Variants in LRP1 observed in about 807,000 individuals in gnomAD.
The protein encoded by LRP1 is LDL receptor related protein 1.
A neutral mutation model predicts 541.5 loss-of-function variants in LRP1; 51 were observed. The observed-to-expected ratio is 0.09, with a 90% confidence interval of 0.08 to 0.12. The LOEUF (loss-of-function observed/expected upper bound fraction) is 0.12. LRP1 is among the 10% of genes least tolerant of loss of function. The pLI, the probability that LRP1 is intolerant of heterozygous loss-of-function variation, is 1.00. For synonymous variants in LRP1, 2,219 were observed against 2,470.8 expected (o/e 0.90, Z 3.02); for missense variants, 3,878 against 6,376.2 (o/e 0.61, Z 13.34).
In LRP1 at chr12:57,141,355, C is replaced by T. The variant is rs920335453; in HGVS notation, c.191-19C>T. The T allele has an allele frequency of 2.5e-6, 4 of 1,613,906 alleles. No homozygotes were observed. The African/African-American group carries it at 5.3e-5, about 22-fold the overall frequency. On this transcript the variant is annotated intron_variant, in intron 2 of 88. Transcript: ENST00000243077. ...ACCATAGCCAGCTTGTTCATGCCCA[C>T]CCTTCTGTCTGCCCTCAGGTCCACA...
chr12:57,142,659 C>G (rs2035317409), intron 3 of LRP1, among the ~76,000 whole-genome samples: 1 of 152,182 alleles, frequency 6.6e-6, no homozygotes, highest in African/African-American at 2.4e-5. Context: ...AACCTCAGGT[C>G]TGAATTTCCT....
intron 46 of LRP1, 107 bp downstream of exon 46, chr12:57,193,411 T>C: frequency 1.3e-6 from 2 of 1,534,496 alleles, no homozygotes; most frequent in Non-Finnish European, 1.8e-6. Context: ...TTCCTGACCA[T>C]GAGTTTTGGG....
In LRP1 at chr12:57,166,981, C is replaced by T; in HGVS notation, c.2849C>T (p.Pro950Leu). Reference sequence around the variant, plus strand: ...TCCTGTGCCAGTGGCCGCTGCATCCCCATCTCCTGGACGTGTGATCTGGAT... The same window carrying T: ...TCCTGTGCCAGTGGCCGCTGCATCCTCATCTCCTGGACGTGTGATCTGGAT... Reference protein sequence around the residue: ...QFSCASGRCIPISWTCDLDDD... With the variant: ...QFSCASGRCILISWTCDLDDD... Residue 950 changes from proline (P) to leucine (L), a missense_variant, in exon 18 of 89, where the codon CCC becomes CTC. Pro to Leu is a moderately conservative substitution (Grantham distance 98). Around this residue, in one of 13 missense-constraint regions of LRP1, gnomAD observed 320 missense variants for 547.9 expected, o/e 0.58. Transcript: ENST00000243077. The T allele has an allele frequency of 6.2e-7, 1 of 1,614,172 alleles. No individual in the cohort carries two copies. The highest frequency in any genetic ancestry group is 8.5e-7 in the Non-Finnish European group (1 of 1,180,028).
chr12:57,182,818 A>G (rs2036192290), intron 34 of LRP1, among the ~76,000 whole-genome samples: 3 of 152,314 alleles, frequency 2.0e-5, no homozygotes, highest in Middle Eastern at 6.8e-3. Flanking sequence ...TTCCGTCTCA[A>G]AAAAAACAAA....
In LRP1 at chr12:57,205,235, A is replaced by C. The variant is rs780875707; in HGVS notation, c.11321A>C (p.Glu3774Ala). Residue 3774 changes from glutamate to alanine, a missense_variant, in exon 73 of 89, where the codon GAG (glutamate) becomes GCG (alanine). This residue lies in a region of LRP1 where 871 missense variants were observed against 1,212.4 expected (regional missense o/e 0.72). Coordinates refer to ENST00000243077, the MANE Select transcript of LRP1 (RefSeq NM_002332.3). The surrounding 1 kb of genome is among the most constrained non-coding windows in gnomAD (Gnocchi z 4.6). The part of the protein sequence containing the change: ...FDDCGDGSDE[E>A]DCSIDPKLTS... Reference sequence around the variant, plus strand: ...GACTGCGGGGACGGCTCTGACGAGGAGGACTGCAGCATCGGTGAGGCCCGG... The same window carrying C: ...GACTGCGGGGACGGCTCTGACGAGGCGGACTGCAGCATCGGTGAGGCCCGG... The C allele has an allele frequency of 1.9e-6, 3 of 1,612,094 alleles. No individual in the cohort carries two copies. The highest frequency in any genetic ancestry group is 1.3e-5 in the African/African-American group (1 of 74,958).
chr12:57,201,640 C>A lies in LRP1; in HGVS notation c.10468+21C>A. 2.5e-6 allele frequency: 4 copies of A among 1,606,156 alleles called. No homozygotes were observed. The highest frequency in any genetic ancestry group is 3.4e-6 in the Non-Finnish European group (4 of 1,174,142). On this transcript the variant is annotated intron_variant, in intron 66 of 88. Coordinates refer to ENST00000243077, the MANE Select transcript of LRP1 (RefSeq NM_002332.3). The surrounding 1 kb of genome is among the most constrained non-coding windows in gnomAD (Gnocchi z 6.4). ...CTGCAGTGAGTTGCCTGGCCTGGAG[C>A]CCAGCTTCCCTCCCCAGTGTCTGCT...
At chr12:57,208,945 G>A (rs942230036) in intron 78 of LRP1, 128 bp downstream of exon 78, 73 of 1,069,174 alleles carry the variant, frequency 6.8e-5, no homozygotes, top group African/African-American at 9.3e-5. Context: ...CAGATTGGCC[G>A]TGGAGGCTTT....
At chr12:57,174,075 A>G (rs2035997714) in intron 22 of LRP1, 95 bp downstream of exon 22, 2 of 1,298,158 alleles carry the variant, frequency 1.5e-6, no homozygotes, top group East Asian at 2.5e-5. Flanking sequence ...AGGAGAGAGC[A>G]GCTCTGGCAG....
At chr12:57,191,574 C>T in intron 44 of LRP1, 62 bp downstream of exon 44, 6 of 1,423,676 alleles carry the variant, frequency 4.2e-6, no homozygotes, top group Non-Finnish European at 5.7e-6. Flanking sequence ...CATACAAACA[C>T]ACACCCCACA....
Position 57,176,036 on chromosome 12 carries a change from C to G in LRP1, c.3921C>G (p.Ser1307Arg). 6.2e-7 allele frequency: 1 copy of G among 1,614,252 alleles called. No individual in the cohort carries two copies. Among genetic ancestry groups the G allele is most frequent in the Non-Finnish European group, 8.5e-7 (1 of 1,180,046 alleles). The change falls in exon 24 of 89, where the codon AGC (serine) becomes AGG (arginine). Residue 1307 changes from serine (S) to arginine (R), a missense_variant. Around this residue, in one of 13 missense-constraint regions of LRP1, gnomAD observed 320 missense variants for 547.9 expected, o/e 0.58. Transcript: ENST00000243077. ...CCATCGCCCTGGACTTCCACCTCAG[C>G]CAGAGCGCCCTCTACTGGACCGACG... is the stretch of plus-strand genomic sequence containing the variant. ...RNTIALDFHL[S>R]QSALYWTDVV... is the part of the protein sequence containing the mutation.
chr12:57,156,699 G>T lies in LRP1; in HGVS notation c.1418-78G>T. On this transcript the variant is annotated intron_variant, in intron 9 of 88. Coordinates refer to ENST00000243077, the MANE Select transcript of LRP1 (RefSeq NM_002332.3). The surrounding 1 kb of genome is among the most constrained non-coding windows in gnomAD (Gnocchi z 5.2). ...CAAAGACCACAGCAGCAGGGGGTGT[G>T]GTCAGATTCAGGAAGCCTTCTCAAG... The T allele has an allele frequency of 6.9e-7, 1 of 1,459,726 alleles. No homozygotes were observed. 90.4% of individuals were successfully genotyped at this position (1,459,726 alleles called of 1,614,324 possible).
At chr12:57,208,294 A>T in intron 77 of LRP1, 78 bp downstream of exon 77, 2 of 1,457,344 alleles carry the variant, frequency 1.4e-6, no homozygotes, top group Middle Eastern at 2.3e-4. Flanking sequence ...CTGCACCCAC[A>T]TGCGTGCCCT....
At chr12:57,132,495 C>T (rs1325720757) in intron 1 of LRP1, among the ~76,000 whole-genome samples, 1 of 152,174 alleles carries the variant, frequency 6.6e-6, no homozygotes, top group Non-Finnish European at 1.5e-5. Context: ...TAGGACAGAT[C>T]TTGCTCCCAC....
At chr12:57,161,970 AGT>A (rs377613953) in intron 13 of LRP1, among the ~76,000 whole-genome samples, 5 of 151,448 alleles carry the variant, frequency 3.3e-5, no homozygotes, top group Non-Finnish European at 7.4e-5. Context: ...TCTGCTCATT[AGT>A]GTGTGTGTGT....
intron 3 of LRP1, among the ~76,000 whole-genome samples, chr12:57,143,099 A>C (rs1386175770): frequency 3.3e-5 from 5 of 152,118 alleles, no homozygotes; most frequent in Non-Finnish European, 7.4e-5. Context: ...GAAGTGGGTC[A>C]GTGGCAGGAG....
chr12:57,208,343 T>C, intron 77 of LRP1, 127 bp downstream of exon 77: 1 of 1,024,650 alleles, frequency 9.8e-7, no homozygotes. Flanking sequence ...TCCTTTTCAG[T>C]CCCTTGGGTC....
Position 57,212,644 on chromosome 12 carries a change from C to A in LRP1, c.*89C>A. The A allele has an allele frequency of 7.5e-7, 1 of 1,328,020 alleles. No homozygotes were observed. Among genetic ancestry groups the A allele is most frequent in the South Asian group, 1.4e-5 (1 of 70,034 alleles). The allele number at this position is 1,328,020 out of a possible 1,614,324, so 82.3% of individuals were successfully genotyped here. The stretch of plus-strand genomic sequence containing the variant: ...GAGCCCCTCCCCAGCCAGCCCTTCC[C>A]TGGCCCCGCCGGATGTATAAATGTA... On this transcript the variant is annotated 3_prime_UTR_variant, in exon 89 of 89. Coordinates refer to ENST00000243077, the MANE Select transcript of LRP1 (RefSeq NM_002332.3). The surrounding 1 kb of genome is among the most constrained non-coding windows in gnomAD (Gnocchi z 5.0).
rs750207750 is a variant in LRP1 at position 57,211,532 on chromosome 12, C to T, written c.13137C>T (p.Gly4379=). The change falls in exon 85 of 89, where the codon GGC becomes GGT. Residue 4379 remains glycine (G), a synonymous_variant. Coordinates refer to ENST00000243077, the MANE Select transcript of LRP1 (RefSeq NM_002332.3). This position sits in a 1 kb window ranked among gnomAD's most constrained non-coding sequence, Gnocchi z 4.3. The part of the protein sequence containing the change: ...RVAPSCLTCV[G]HCSNGGSCTM... ...CCCCCAGCTGTCTGACCTGCGTCGG[C>T]CACTGCAGCAATGGCGGCTCCTGTA... 1.2e-6 allele frequency: 2 copies of T among 1,614,060 alleles called. No homozygotes were observed. Among genetic ancestry groups the T allele is most frequent in the South Asian group, 1.1e-5 (1 of 91,088 alleles).
intron 80 of LRP1, 40 bp downstream of exon 80, chr12:57,209,908 T>A (rs1330786832): frequency 6.2e-7 from 1 of 1,606,406 alleles, no homozygotes; most frequent in Non-Finnish European, 8.5e-7. Context: ...AAGGGAGGCC[T>A]GTGGGCATTG....
Sources: allele counts gnomAD v4.1 joint callset (sites outside exome capture counted in the v4.1 genomes callset), GRCh38; gene constraint gnomAD v4.1.1; regional missense constraint gnomAD v4.1.1; non-coding constraint Gnocchi (gnomAD v3.1); transcripts MANE v1.5; gene names NCBI Gene and HGNC (gene_info 2026-07-23, HGNC 2026-07-21).